Variants in ATP11A observed in about 807,000 individuals in gnomAD.
ATP11A encodes the protein ATPase phospholipid transporting 11A.
In ATP11A, 81 loss-of-function variants were observed where a neutral mutation model predicts 154.4. The observed-to-expected ratio is 0.52, with a 90% CI of 0.44 to 0.63. ATP11A has a LOEUF of 0.63. ATP11A is among the 30% of genes least tolerant of loss of function. The pLI, the probability that ATP11A is intolerant of heterozygous loss-of-function variation, is 0.00. For synonymous variants in ATP11A, 623 were observed against 585.9 expected (o/e 1.06, Z -0.91); for missense variants, 1,316 against 1,474.3 (o/e 0.89, Z 1.76).
At chr13:112,782,733 C>T (rs893796103) in intron 1 of ATP11A, among the ~76,000 whole-genome samples, 3 of 152,214 alleles carry the variant, frequency 2.0e-5, no homozygotes, top group Non-Finnish European at 4.4e-5. Flanking sequence ...GTGGCATGGT[C>T]AGGGCAGTGG....
In ATP11A at chr13:112,875,658, A is replaced by C; in HGVS notation, c.3162-118A>C. ...TTCAGAGCAGGCTCCGTGGCTTGCC[A>C]AGCAACTCTCACTGACAAAAGTGTA... is the stretch of plus-strand genomic sequence containing the variant. On this transcript the variant is annotated intron_variant, in intron 27 of 29. Transcript: ENST00000375645. The surrounding 1 kb of genome is among the most constrained non-coding windows in gnomAD (Gnocchi z 4.1). 1 of 1,188,176 alleles carries C rather than the reference A, an allele frequency of 8.4e-7. No individual in the cohort carries two copies. The highest frequency in any genetic ancestry group is 2.4e-5 in the East Asian group (1 of 41,516). The allele number at this position is 1,188,176 out of a possible 1,614,324, so 73.6% of individuals were successfully genotyped here.
At chr13:112,854,571 A>G (rs2079869651) in intron 19 of ATP11A, 41 bp downstream of exon 19, 4 of 1,581,686 alleles carry the variant, frequency 2.5e-6, no homozygotes, top group Admixed American at 3.5e-5. Flanking sequence ...CACTCCCGCA[A>G]AAGGGGCTTC....
chr13:112,800,778 A>G (rs1263560053), intron 2 of ATP11A, among the ~76,000 whole-genome samples: 1 of 152,206 alleles, frequency 6.6e-6, no homozygotes, highest in Admixed American at 6.5e-5. Context: ...CAATTCAACA[A>G]TGTATAAAAA....
intron 4 of ATP11A, among the ~76,000 whole-genome samples, chr13:112,808,489 T>TC (rs1479379822): frequency 7.3e-6 from 1 of 136,578 alleles, no homozygotes; most frequent in African/African-American, 2.7e-5. Context: ...CCCTCGACCT[T>TC]CCCCCACTAC....
chr13:112,871,037 G>A (rs1253380061), intron 25 of ATP11A, among the ~76,000 whole-genome samples: 4 of 152,344 alleles, frequency 2.6e-5, no homozygotes, highest in South Asian at 2.1e-4. Context: ...CTGGCCGCAC[G>A]CGGGGCAGCC....
chr13:112,691,845 T>G (rs1311262637), intron 1 of ATP11A, among the ~76,000 whole-genome samples: 6 of 152,038 alleles, frequency 3.9e-5, no homozygotes, highest in Non-Finnish European at 8.8e-5. Context: ...GAGACTTGAG[T>G]GCACCTTACA....
intron 1 of ATP11A, among the ~76,000 whole-genome samples, chr13:112,735,394 G>A (rs771423716): frequency 2.0e-5 from 3 of 152,184 alleles, no homozygotes; most frequent in African/African-American, 7.2e-5. Flanking sequence ...AATTGCCTGA[G>A]CTCACACAAG....
rs1310352570 is a variant in ATP11A at position 112,807,139 on chromosome 13, G to A, written c.333+846G>A. On this transcript the variant is annotated intron_variant, in intron 4 of 29. Coordinates refer to ENST00000375645, the MANE Select transcript of ATP11A (RefSeq NM_015205.3). The surrounding 1 kb of genome is among the most constrained non-coding windows in gnomAD (Gnocchi z 4.5). ...CCAGATTGGCTTTCAGATGTGAAAG[G>A]CTGGAGAGGGCATGGCGAGGGAGGC... 6.6e-6 allele frequency among the ~76,000 whole-genome samples: 1 copy of A among 152,250 alleles called. No individual in the cohort carries two copies. The highest frequency in any genetic ancestry group is 1.5e-5 in the Non-Finnish European group (1 of 68,052).
chr13:112,873,487 C>T (rs978350040), intron 26 of ATP11A, 86 bp from the exon 27 acceptor site: 28 of 1,026,490 alleles, frequency 2.7e-5, no homozygotes, highest in Non-Finnish European at 3.6e-5. Context: ...AGTTTCTCGT[C>T]ACCCCCCGGC....
intron 1 of ATP11A, among the ~76,000 whole-genome samples, chr13:112,775,958 C>T (rs2077338541): frequency 1.3e-5 from 2 of 152,252 alleles, no homozygotes; most frequent in Non-Finnish European, 2.9e-5. Context: ...GCTGCGCCTC[C>T]CGGGCGTGAG....
intron 1 of ATP11A, among the ~76,000 whole-genome samples, chr13:112,749,136 G>C (rs1458985762): frequency 2.6e-5 from 4 of 152,218 alleles, no homozygotes; most frequent in African/African-American, 4.8e-5. Flanking sequence ...GCATGAGGCT[G>C]TCTGCTCTGG....
At position 112,692,869 on chromosome 13, in the gene ATP11A, C is replaced by G. The variant is rs1679566309; in HGVS notation, c.39+2414C>G. ...ACTATGTAGGACTAAATTATATTTC[C>G]TTTTGCTACAGAAAAAAGAGTCTGG... On this transcript the variant is annotated intron_variant, in intron 1 of 29. Coordinates refer to ENST00000375645, the MANE Select transcript of ATP11A (RefSeq NM_015205.3). 5.3e-5 allele frequency among the ~76,000 whole-genome samples: 8 copies of G among 152,106 alleles called. No homozygotes were observed. In the South Asian group the frequency reaches 1.7e-3, roughly 32 times the overall value.
chr13:112,841,833 C>T (rs897991337), intron 16 of ATP11A, among the ~76,000 whole-genome samples: 1 of 152,252 alleles, frequency 6.6e-6, no homozygotes, highest in African/African-American at 2.4e-5. Context: ...CAAACGTTTC[C>T]CCTGACTCTT....
chr13:112,774,410 C>T (rs1483715577), intron 1 of ATP11A, among the ~76,000 whole-genome samples: 3 of 152,124 alleles, frequency 2.0e-5, no homozygotes, highest in Non-Finnish European at 4.4e-5. Context: ...ACACCTGGGC[C>T]CTGTTTATTA....
rs546082707 is a variant in ATP11A, at chr13:112,838,273, G to T, written c.1705+2022G>T. 6.6e-6 allele frequency among the ~76,000 whole-genome samples: 1 copy of T among 152,292 alleles called. No individual in the cohort carries two copies. Among genetic ancestry groups the T allele is most frequent in the East Asian group, 1.9e-4 (1 of 5,168 alleles). On this transcript the variant is annotated intron_variant, in intron 16 of 29. Coordinates refer to ENST00000375645, the MANE Select transcript of ATP11A (RefSeq NM_015205.3). The surrounding 1 kb of genome is among the most constrained non-coding windows in gnomAD (Gnocchi z 7.3). ...AGTTATCTGGGATAAACGCATCCTG[G>T]GTGGGAAGTTCCTGGTCCATCCCGT...
At position 112,864,292 on chromosome 13, in the gene ATP11A, C is replaced by T. The variant is rs1467418574; in HGVS notation, c.2991+1717C>T. On this transcript the variant is annotated intron_variant, in intron 25 of 29. Coordinates refer to ENST00000375645, the MANE Select transcript of ATP11A (RefSeq NM_015205.3). ...CACCTGCGCAGTAATTCAGTGCGGC[C>T]CATGCAGCTTCCCAGCGGGGTCCAT... 2.2e-5 allele frequency among the ~76,000 whole-genome samples: 2 copies of T among 90,330 alleles called. 1 individual carries two copies. The highest frequency in any genetic ancestry group is 7.6e-4 in the East Asian group (2 of 2,616). The allele number at this position is 90,330 out of a possible 152,430, so 59.3% of individuals were successfully genotyped here.
At position 112,724,695 on chromosome 13, in the gene ATP11A, C is replaced by CG. The variant is rs141365159; in HGVS notation, c.39+34240_39+34241insG. On this transcript the variant is annotated intron_variant, in intron 1 of 29. Coordinates refer to ENST00000375645, the MANE Select transcript of ATP11A (RefSeq NM_015205.3). ...CTGTCCTGGGGTGAGGCCGGCCCCC[C>CG]CCCAGGAAGCTGTTTGGGGCCCATC... Among the ~76,000 whole-genome samples, 601 of 152,220 alleles carry CG rather than the reference C, an allele frequency of 3.9e-3. 4 individuals carry two copies. Among genetic ancestry groups the CG allele is most frequent in the African/African-American group, 0.014 (566 of 41,506 alleles).
intron 7 of ATP11A, 47 bp from the exon 8 acceptor site, chr13:112,819,853 G>A (rs777256806): frequency 6.2e-7 from 1 of 1,611,346 alleles, no homozygotes; most frequent in South Asian, 1.1e-5. Context: ...CGCTTCCCGG[G>A]GGCCGCTGGG....
At chr13:112,844,882 G>T (rs2079538755) in intron 17 of ATP11A, among the ~76,000 whole-genome samples, 1 of 151,682 alleles carries the variant, frequency 6.6e-6, no homozygotes, top group Non-Finnish European at 1.5e-5. Context: ...AATCAGTCCA[G>T]TTGCCGACTG....
Sources: allele counts gnomAD v4.1 joint callset (sites outside exome capture counted in the v4.1 genomes callset), GRCh38; gene constraint gnomAD v4.1.1; non-coding constraint Gnocchi (gnomAD v3.1); transcripts MANE v1.5; gene names NCBI Gene and HGNC (gene_info 2026-07-23, HGNC 2026-07-21).